Variants in GALR1 observed in about 807,000 individuals in gnomAD.
GALR1 encodes galanin receptor 1, also known as galanin receptor type 1.
In GALR1, 11 loss-of-function variants were observed where a neutral mutation model predicts 17.9. The observed-to-expected ratio is 0.62, with a 90% CI of 0.39 to 1.02. GALR1 has a LOEUF of 1.02. Ranked by LOEUF, GALR1 falls within the 50% of genes least tolerant of loss-of-function variation. The probability of loss-of-function intolerance (pLI) is 0.01; values close to 1 mark genes in which losing one functional copy is unlikely to be tolerated. For synonymous variants in GALR1, 206 were observed against 205.7 expected (o/e 1.00, Z -0.01); for missense variants, 441 against 456.9 (o/e 0.97, Z 0.32).
intron 2 of GALR1, among the ~76,000 whole-genome samples, chr18:77,267,032 G>A (rs888383121): frequency 2.0e-5 from 3 of 152,154 alleles, no homozygotes; most frequent in African/African-American, 7.2e-5. Context: ...CCTAACCTTT[G>A]GCCAAGAGGC....
intron 1 of GALR1, 81 bp from the exon 2 acceptor site, chr18:77,256,077 A>C (rs865946916): frequency 2.7e-6 from 2 of 743,516 alleles, no homozygotes; most frequent in Middle Eastern, 2.4e-4. Context: ...CCATTTCAGC[A>C]TGTCAATAAT....
Position 77,268,906 on chromosome 18 carries a change from A to T in GALR1, c.*4A>T, listed in dbSNP as rs373846302. 35 of 1,600,414 alleles carry T rather than the reference A, an allele frequency of 2.2e-5. No individual in the cohort carries two copies. The Middle Eastern group carries it at 1.5e-3, about 68-fold the overall frequency. ...AACCAATTGTACTCATGTGTGATAA[A>T]AGATAGAGTATCCTTATGGTTGAGT... On this transcript the variant is annotated 3_prime_UTR_variant, in exon 3 of 3. Coordinates refer to ENST00000299727, the MANE Select transcript of GALR1 (RefSeq NM_001480.4).
intron 1 of GALR1, among the ~76,000 whole-genome samples, chr18:77,255,353 A>C (rs934053573): frequency 6.6e-6 from 1 of 152,250 alleles, no homozygotes; most frequent in African/African-American, 2.4e-5. Context: ...AAGAAAAGAC[A>C]AAAATAGTTT....
rs1422554976 is a variant in GALR1 at position 77,256,287 on chromosome 18, T to C, written c.732+64T>C. The C allele has an allele frequency of 3.1e-6, 3 of 956,368 alleles. No homozygotes were observed. The African/African-American group carries it at 4.9e-5, about 16-fold the overall frequency. The allele number at this position is 956,368 out of a possible 1,614,324, so 59.2% of individuals were successfully genotyped here. On this transcript the variant is annotated intron_variant, in intron 2 of 2. Coordinates refer to ENST00000299727, the MANE Select transcript of GALR1 (RefSeq NM_001480.4). The stretch of plus-strand genomic sequence containing the variant: ...GAGCTTAGTTTACCTTTGTTTTTTT[T>C]ACTTGTCCTCACGTCCATCCAAAGC...
intron 1 of GALR1, among the ~76,000 whole-genome samples, chr18:77,255,557 G>T (rs1377965464): frequency 1.3e-5 from 2 of 152,204 alleles, no homozygotes; most frequent in Non-Finnish European, 2.9e-5. Flanking sequence ...GCCATACGGA[G>T]AATTGCAGTG....
intron 2 of GALR1, among the ~76,000 whole-genome samples, chr18:77,259,438 A>T (rs1449994139): frequency 4.2e-5 from 6 of 141,436 alleles, no homozygotes; most frequent in South Asian, 4.7e-4. Flanking sequence ...CATGGTGGTG[A>T]TGATGGTGAT....
chr18:77,252,779 C>T (rs953207982), intron 1 of GALR1, among the ~76,000 whole-genome samples: 58 of 151,600 alleles, frequency 3.8e-4, no homozygotes, highest in Admixed American at 7.2e-4. Flanking sequence ...ACCCAAGTGA[C>T]GGAGGGTGCA....
rs1913062676 is a variant in GALR1 at position 77,271,408 on chromosome 18, C to A, written c.*2506C>A. On this transcript the variant is annotated 3_prime_UTR_variant, in exon 3 of 3. Transcript: ENST00000299727. ...CAAATTTTGATAGGGATAATGACAT[C>A]TTCTGCAAAGATCTAAACCTCTACA... 6.6e-6 allele frequency: 1 copy of A among 152,148 alleles called. No individual in the cohort carries two copies. The allele number at this position is 152,148 out of a possible 1,614,324, so 9.4% of individuals were successfully genotyped here. A position where few individuals can be genotyped will look rare whatever the true frequency, so the allele number is the denominator to read the frequency against.
intron 2 of GALR1, among the ~76,000 whole-genome samples, chr18:77,259,471 G>A (rs1477853233): frequency 1.3e-5 from 2 of 149,406 alleles, no homozygotes; most frequent in African/African-American, 5.0e-5. Context: ...GGTGGTGATG[G>A]TGGCGATTGT....
At chr18:77,259,027 G>GTCA (rs1409523290) in intron 2 of GALR1, among the ~76,000 whole-genome samples, 1 of 24,406 alleles carries the variant, frequency 4.1e-5, no homozygotes, top group African/African-American at 1.1e-4. Flanking sequence ...GTTGGTGTTG[G>GTCA]TGGTGGTCAT....
intron 2 of GALR1, among the ~76,000 whole-genome samples, chr18:77,265,171 A>C (rs1912919109): frequency 6.6e-6 from 1 of 152,204 alleles, no homozygotes; most frequent in South Asian, 2.1e-4. Context: ...CTTCCTAGAT[A>C]CAATGGGAGT....
Position 77,250,575 on chromosome 18 carries a change from C to T in GALR1, c.27C>T (p.Ser9=), listed in dbSNP as rs1327838397. The change falls in exon 1 of 3, where the codon AGC becomes AGT. Residue 9 remains serine (S), a synonymous_variant. Transcript: ENST00000299727. The part of the protein sequence containing the change: MELAVGNL[S]EGNASWPEPP... ...TGGAGCTGGCGGTCGGGAACCTCAG[C>T]GAGGGCAACGCGAGCTGGCCGGAGC... The T allele has an allele frequency of 6.5e-7, 1 of 1,539,030 alleles. No individual in the cohort carries two copies. The highest frequency in any genetic ancestry group is 1.2e-5 in the South Asian group (1 of 84,242).
rs1912412067 is a variant in GALR1, at chr18:77,251,331, G to T, written c.666+117G>T. The T allele has an allele frequency of 2.1e-6, 3 of 1,427,630 alleles. No homozygotes were observed. In the South Asian group the frequency reaches 4.2e-5, roughly 20 times the overall value. 88.4% of individuals were successfully genotyped at this position (1,427,630 alleles called of 1,614,324 possible). On this transcript the variant is annotated intron_variant, in intron 1 of 2. Coordinates refer to ENST00000299727, the MANE Select transcript of GALR1 (RefSeq NM_001480.4). ...CCTTGGCGGCAGCCTGGCCCCGGTG[G>T]TCCCCACTCTGGCGGCGCTGGTACG...
At chr18:77,254,428 TC>T (rs1912540787) in intron 1 of GALR1, among the ~76,000 whole-genome samples, 1 of 152,256 alleles carries the variant, frequency 6.6e-6, no homozygotes, top group Admixed American at 6.5e-5. Flanking sequence ...TGAGCTGTGA[TC>T]CGAATTCCTT....
chr18:77,252,923 T>TCACCACCACCAC (rs1912475884), intron 1 of GALR1, among the ~76,000 whole-genome samples: 2 of 84,670 alleles, frequency 2.4e-5, no homozygotes, highest in Non-Finnish European at 4.6e-5. Context: ...ACCACCACCA[T>TCACCACCACCAC]CACCACCACC....
intron 2 of GALR1, among the ~76,000 whole-genome samples, chr18:77,262,937 A>G (rs1039686117): frequency 3.3e-5 from 5 of 152,238 alleles, no homozygotes; most frequent in Admixed American, 2.0e-4. Flanking sequence ...ACAGACACAC[A>G]AAGTTAACAA....
At chr18:77,251,299 G>A (rs1568138491) in intron 1 of GALR1, 85 bp downstream of exon 1, 2 of 1,506,558 alleles carry the variant, frequency 1.3e-6, no homozygotes, top group Non-Finnish European at 1.8e-6. Context: ...CCGCGGCCCT[G>A]CCGGAGCCTT....
At position 77,261,277 on chromosome 18, in the gene GALR1, C is replaced by T. The variant is rs375081347; in HGVS notation, c.732+5054C>T. ...ATAATTTTAAACAATAATTTTTTCTCCATCAAAAGATAATGTTGAGATTCT... is the reference window on the plus strand; with the variant it reads ...ATAATTTTAAACAATAATTTTTTCTTCATCAAAAGATAATGTTGAGATTCT... On this transcript the variant is annotated intron_variant, in intron 2 of 2. Transcript: ENST00000299727. Among the ~76,000 whole-genome samples, 337 of 152,270 alleles carry T rather than the reference C, an allele frequency of 2.2e-3. 1 individual carries two copies. The highest frequency in any genetic ancestry group is 4.2e-3 in the Non-Finnish European group (284 of 68,008).
chr18:77,256,195 C>T lies in GALR1; in HGVS notation c.704C>T (p.Ser235Leu). Residue 235 changes from serine to leucine, a missense_variant, in exon 2 of 3, where the codon TCA becomes TTA. By Grantham distance (145) the Ser-to-Leu change is moderately radical. Transcript: ENST00000299727. ...NHLHKKLKNM[S>L]KKSEASKKKT... is the part of the protein sequence containing the mutation. ...TTGCATAAAAAGTTGAAGAACATGTCAAAGAAGTCTGAAGCATCCAAGAAA... is the reference window on the plus strand; with the variant it reads ...TTGCATAAAAAGTTGAAGAACATGTTAAAGAAGTCTGAAGCATCCAAGAAA... 3 of 1,599,524 alleles carry T rather than the reference C, an allele frequency of 1.9e-6. No homozygotes were observed. The highest frequency in any genetic ancestry group is 2.6e-6 in the Non-Finnish European group (3 of 1,167,018).
Sources: gnomAD v4.1 joint callset for allele counts (sites outside exome capture counted in the v4.1 genomes callset) on GRCh38, gnomAD v4.1.1 for gene constraint, MANE v1.5 for transcripts, NCBI Gene and HGNC (gene_info 2026-07-23, HGNC 2026-07-21) for gene names.